DPRX: variants seen among roughly 807,000 people sequenced by gnomAD.
DPRX encodes the protein divergent paired-related homeobox.
Under a neutral mutation model 8.4 loss-of-function variants are expected in DPRX, and 11 were observed. The observed-to-expected ratio is 1.31, with a 90% CI of 0.82 to 2.17. DPRX has a LOEUF of 2.17. DPRX is among the 30% of genes most tolerant of loss of function. DPRX has a pLI of 0.00. For synonymous variants in DPRX, 72 were observed against 87.0 expected, an observed-to-expected ratio of 0.83 and a Z score of 0.96; for missense variants, 211 against 236.7, an observed-to-expected ratio of 0.89 and a Z score of 0.71.
the DPRX span, among the ~76,000 whole-genome samples, chr19:53,624,328 A>C: frequency 3.0e-5 from 3 of 99,914 alleles, no homozygotes; most frequent in African/African-American, 6.4e-5. Context: ...ACCTCAGGTG[A>C]TCTGCCCTCC....
At chr19:53,606,352 T>A in the DPRX span, 6 of 152,186 alleles carry the variant, frequency 3.9e-5, no homozygotes, top group African/African-American at 1.4e-4. The surrounding 1 kb of genome is among the most constrained non-coding windows in gnomAD (Gnocchi z 4.8). Context: ...GTCGCCTCCG[T>A]GGGTGAAACG....
the DPRX span, among the ~76,000 whole-genome samples, chr19:53,603,746 CT>C: frequency 0.028 from 3,942 of 140,244 alleles, 92 homozygotes; most frequent in East Asian, 0.15. Context: ...TCTTTTCTTT[CT>C]TTTTTTTTTT....
chr19:53,617,020 G>A, the DPRX span: 1 of 1,178,006 alleles, frequency 8.5e-7, no homozygotes, highest in Non-Finnish European at 1.3e-6. Flanking sequence ...GAGGCCAGTA[G>A]CTTTCTTGGC....
upstream of DPRX, among the ~76,000 whole-genome samples, chr19:53,631,064 C>T (rs1335885374): frequency 6.6e-6 from 1 of 151,910 alleles, no homozygotes; most frequent in East Asian, 2.0e-4. Context: ...CCAGGCTGGT[C>T]TCGAACTCCT....
chr19:53,618,010 G>A, the DPRX span, among the ~76,000 whole-genome samples: 18 of 151,212 alleles, frequency 1.2e-4, no homozygotes, highest in South Asian at 1.7e-3. Flanking sequence ...TGGTGGTGGC[G>A]GGGCACCTGT....
the DPRX span, chr19:53,617,014 C>T: frequency 3.5e-6 from 4 of 1,152,172 alleles, no homozygotes; most frequent in Non-Finnish European, 5.3e-6. Flanking sequence ...GCATCAGAGG[C>T]CAGTAGCTTT....
chr19:53,634,437 C>T (rs117510440), intron 1 of DPRX, 94 bp from the exon 2 acceptor site: 246 of 1,469,178 alleles, frequency 1.7e-4, no homozygotes, highest in Non-Finnish European at 2.1e-4. Flanking sequence ...TTGATCATCA[C>T]GTTGTACCTC....
rs781651262 is a variant in DPRX at position 53,634,698 on chromosome 19, TC to T, written c.183+16del. ...AACAGTACTGCAGGTTGGAAAATGA[TC>T]CCTCTTCTCACTAAACTGCCTTCCT... On this transcript the variant is annotated intron_variant, in intron 2 of 2. Transcript: ENST00000376650. 2 of 1,607,134 alleles carry T rather than the reference TC, an allele frequency of 1.2e-6. No individual in the cohort carries two copies. Among genetic ancestry groups the T allele is most frequent in the Non-Finnish European group, 1.7e-6 (2 of 1,177,812 alleles).
chr19:53,634,178 C>G (rs1206404954), intron 1 of DPRX, among the ~76,000 whole-genome samples: 1 of 152,094 alleles, frequency 6.6e-6, no homozygotes, highest in Non-Finnish European at 1.5e-5. Flanking sequence ...CGCATGTAAT[C>G]CCAACACTTT....
chr19:53,608,259 G>A, the DPRX span: 1 of 151,674 alleles, frequency 6.6e-6, no homozygotes, highest in South Asian at 2.1e-4. Flanking sequence ...ATAAACCTGT[G>A]CCCTCACCTG....
upstream of DPRX, among the ~76,000 whole-genome samples, chr19:53,628,434 T>C (rs1275277893): frequency 6.6e-6 from 1 of 152,212 alleles, no homozygotes; most frequent in Admixed American, 6.6e-5. Context: ...TTTGTAGCTC[T>C]GATAAGTGAA....
At chr19:53,624,862 A>G in the DPRX span, among the ~76,000 whole-genome samples, 1 of 151,364 alleles carries the variant, frequency 6.6e-6, no homozygotes, top group East Asian at 2.0e-4. Context: ...AGAAAGAAAG[A>G]AAACACATCA....
the DPRX span, among the ~76,000 whole-genome samples, chr19:53,608,953 C>CAAAAA: frequency 4.2e-3 from 320 of 76,850 alleles, 5 homozygotes; most frequent in Admixed American, 5.4e-3. Context: ...GAGACTCCGT[C>CAAAAA]AAAAAAAAAA....
upstream of DPRX, among the ~76,000 whole-genome samples, chr19:53,631,342 A>C (rs1210535235): frequency 5.3e-5 from 8 of 152,002 alleles, no homozygotes; most frequent in Non-Finnish European, 1.5e-5. Flanking sequence ...TGAGTTAACT[A>C]AATCAGGATA....
chr19:53,610,093 G>A, the DPRX span, among the ~76,000 whole-genome samples: 13 of 148,450 alleles, frequency 8.8e-5, no homozygotes, highest in Admixed American at 2.1e-4. Flanking sequence ...AGAGGTTGCC[G>A]TGAGCCGAGA....
At chr19:53,631,946 C>A, upstream of DPRX, 3 of 886,604 alleles carry the variant, frequency 3.4e-6, no homozygotes, top group Non-Finnish European at 5.4e-6. Flanking sequence ...ATCCAGGGGG[C>A]TCTGGAGGAC....
upstream of DPRX, among the ~76,000 whole-genome samples, chr19:53,627,744 G>A (rs977299756): frequency 3.4e-5 from 5 of 146,272 alleles, no homozygotes; most frequent in Non-Finnish European, 6.0e-5. Flanking sequence ...CAGCCAAGAT[G>A]TTTTTCTTAA....
chr19:53,632,405 A>G lies in DPRX; in HGVS notation c.28+271A>G, dbSNP rs192581451. Among the ~76,000 whole-genome samples the G allele has an allele frequency of 1.7e-4, 26 of 151,908 alleles. 1 individual carries two copies. The highest frequency in any genetic ancestry group is 5.2e-4 in the Admixed American group (8 of 15,252). On this transcript the variant is annotated intron_variant, in intron 1 of 2. Transcript: ENST00000376650. ...AACCTCCACCTCCCAGGTTCAAGCAATTCTCCTGCCTCAGCCTCCCGAGTA... is the reference window on the plus strand; with the variant it reads ...AACCTCCACCTCCCAGGTTCAAGCAGTTCTCCTGCCTCAGCCTCCCGAGTA...
the DPRX span, among the ~76,000 whole-genome samples, chr19:53,618,908 CT>C: frequency 6.6e-6 from 1 of 152,072 alleles, no homozygotes; most frequent in African/African-American, 2.4e-5. Flanking sequence ...TCTTGAACCC[CT>C]GACCTCAGGT....
Sources: gnomAD v4.1 joint callset for allele counts (sites outside exome capture counted in the v4.1 genomes callset) on GRCh38, gnomAD v4.1.1 for gene constraint, Gnocchi (gnomAD v3.1) non-coding constraint, MANE v1.5 for transcripts, NCBI Gene and HGNC (gene_info 2026-07-23, HGNC 2026-07-21) for gene names.